Variants in TSNARE1 observed in about 807,000 individuals in gnomAD.
TSNARE1 encodes t-SNARE domain-containing protein 1.
A neutral mutation model predicts 62.0 loss-of-function variants in TSNARE1; 49 were observed. The ratio of observed to expected loss-of-function variants is 0.79; its 90% confidence interval spans 0.63 to 1.00. The LOEUF (loss-of-function observed/expected upper bound fraction) is 1.00. TSNARE1 is among the 50% of genes least tolerant of loss of function. TSNARE1 has a pLI of 0.00. For missense variants in TSNARE1, 755 were observed against 700.1 expected, an observed-to-expected ratio of 1.08 and a Z score of -0.88; for synonymous variants, 328 against 294.4, an observed-to-expected ratio of 1.11 and a Z score of -1.17.
At chr8:142,270,481 C>CAT (rs67801065) in intron 12 of TSNARE1, 61,617 of 801,584 alleles carry the variant, frequency 0.077, 948 homozygotes, top group Admixed American at 0.17. Context: ...AATATATAGG[C>CAT]ATATATATAT....
chr8:142,300,943 G>A (rs1435188035), intron 9 of TSNARE1, among the ~76,000 whole-genome samples: 1 of 152,126 alleles, frequency 6.6e-6, no homozygotes, highest in Non-Finnish European at 1.5e-5. Flanking sequence ...CCCAGCAGAG[G>A]GGAGGGTGGG....
intron 8 of TSNARE1, among the ~76,000 whole-genome samples, 177 bp from the exon 9 acceptor site, chr8:142,314,617 C>T (rs1003566919): frequency 1.3e-5 from 2 of 151,864 alleles, no homozygotes; most frequent in African/African-American, 4.8e-5. Flanking sequence ...GCTGGATGGC[C>T]TCTGTCCATG....
intron 12 of TSNARE1, among the ~76,000 whole-genome samples, chr8:142,237,108 C>T (rs1004340700): frequency 2.6e-5 from 4 of 151,886 alleles, no homozygotes; most frequent in African/African-American, 9.7e-5. Flanking sequence ...TCGCTGTTCC[C>T]TCTGCCCAGT....
intron 4 of TSNARE1, among the ~76,000 whole-genome samples, chr8:142,341,234 G>A (rs1832543445): frequency 1.3e-5 from 2 of 152,294 alleles, no homozygotes; most frequent in African/African-American, 2.4e-5. Context: ...CATTGAGAGT[G>A]CCCTCAAGTG....
intron 2 of TSNARE1, among the ~76,000 whole-genome samples, chr8:142,353,650 G>C (rs1199537564): frequency 6.6e-6 from 1 of 152,158 alleles, no homozygotes; most frequent in African/African-American, 2.4e-5. Flanking sequence ...CAGGGCACTG[G>C]GGGCTGCCAA....
At chr8:142,279,345 G>A (rs1319237352) in intron 11 of TSNARE1, among the ~76,000 whole-genome samples, 1 of 152,216 alleles carries the variant, frequency 6.6e-6, no homozygotes, top group East Asian at 1.9e-4. Flanking sequence ...GAACGGCAGA[G>A]GCCAAGATGG....
chr8:142,314,362 A>G, intron 9 of TSNARE1, 22 bp downstream of exon 9: 1 of 1,611,104 alleles, frequency 6.2e-7, no homozygotes, highest in South Asian at 1.1e-5. Context: ...GCCACTGACC[A>G]TGGTCAGTAC....
chr8:142,259,086 C>T (rs974798844), intron 12 of TSNARE1, among the ~76,000 whole-genome samples: 2 of 152,214 alleles, frequency 1.3e-5, no homozygotes, highest in African/African-American at 4.8e-5. Flanking sequence ...ACCTTGAACC[C>T]AGGTCTGTCT....
intron 12 of TSNARE1, among the ~76,000 whole-genome samples, chr8:142,262,037 T>C (rs67439964): frequency 0.22 from 33,301 of 152,162 alleles, 3,798 homozygotes; most frequent in Middle Eastern, 0.31. Flanking sequence ...CTCATGAAGC[T>C]GCTCACGCCA....
At chr8:142,282,141 CT>C (rs973332312) in intron 11 of TSNARE1, among the ~76,000 whole-genome samples, 6 of 152,250 alleles carry the variant, frequency 3.9e-5, no homozygotes, top group African/African-American at 1.4e-4. Context: ...TGCAGCCCCT[CT>C]TCTCGTGGAT....
intron 12 of TSNARE1, among the ~76,000 whole-genome samples, chr8:142,239,324 C>G (rs1267932046): frequency 2.6e-5 from 4 of 152,212 alleles, no homozygotes; most frequent in South Asian, 2.1e-4. Flanking sequence ...CCTTAAAGCC[C>G]CTTGGGTAAG....
chr8:142,297,902 C>T (rs866492214), intron 10 of TSNARE1, among the ~76,000 whole-genome samples: 1 of 152,216 alleles, frequency 6.6e-6, no homozygotes, highest in East Asian at 1.9e-4. Flanking sequence ...CCCACCCCGC[C>T]GCCCTCCGTC....
chr8:142,329,813 C>G (rs776345463), intron 6 of TSNARE1, among the ~76,000 whole-genome samples: 2 of 152,144 alleles, frequency 1.3e-5, no homozygotes, highest in Non-Finnish European at 2.9e-5. Flanking sequence ...TCAGAAAACA[C>G]TTAAGTTTCA....
At chr8:142,250,477 G>A (rs552881252) in intron 12 of TSNARE1, among the ~76,000 whole-genome samples, 152 of 152,298 alleles carry the variant, frequency 1.0e-3, no homozygotes, top group South Asian at 2.1e-3. Context: ...AGCCATCAGC[G>A]TCGCGGGCTC....
At chr8:142,227,413 C>T (rs1344393065) in intron 13 of TSNARE1, among the ~76,000 whole-genome samples, 1 of 65,404 alleles carries the variant, frequency 1.5e-5, no homozygotes, top group East Asian at 3.4e-4. Flanking sequence ...AGCCAGGAGC[C>T]CCAACCTGCC....
chr8:142,358,532 C>T (rs1438122901), intron 1 of TSNARE1, among the ~76,000 whole-genome samples: 1 of 152,092 alleles, frequency 6.6e-6, no homozygotes, highest in Non-Finnish European at 1.5e-5. Context: ...TGCTCCACCG[C>T]CACCAAAGAG....
chr8:142,271,397 T>A (rs1819524178), intron 12 of TSNARE1: 2 of 1,235,144 alleles, frequency 1.6e-6, no homozygotes, highest in Non-Finnish European at 2.0e-6. Context: ...GGCGCCCTGC[T>A]GCCGGTGGGA....
chr8:142,355,687 C>T (rs1834671670), intron 1 of TSNARE1, among the ~76,000 whole-genome samples: 1 of 152,180 alleles, frequency 6.6e-6, no homozygotes, highest in African/African-American at 2.4e-5. Flanking sequence ...ACCTGCTGGC[C>T]AGGCCACACC....
chr8:142,365,602 G>GCACACACA lies in TSNARE1; in HGVS notation c.-39-10847_-39-10840dup, dbSNP rs1554674591. ...AAACCATCCATAAACACATGCACAC[G>GCACACACA]CACACACACACACACACACACACAC... On this transcript the variant is annotated intron_variant, in intron 1 of 13. Coordinates refer to ENST00000524325, the MANE Select transcript of TSNARE1 (RefSeq NM_145003.5). Among the ~76,000 whole-genome samples, 475 of 144,498 alleles carry GCACACACA rather than the reference G, an allele frequency of 3.3e-3. 2 individuals are homozygous for GCACACACA. The highest frequency in any genetic ancestry group is 9.0e-3 in the African/African-American group (354 of 39,234). 94.8% of individuals were successfully genotyped at this position (144,498 alleles called of 152,430 possible).
Sources: allele counts gnomAD v4.1 joint callset (sites outside exome capture counted in the v4.1 genomes callset), GRCh38; gene constraint gnomAD v4.1.1; transcripts MANE v1.5; gene names NCBI Gene and HGNC (gene_info 2026-07-23, HGNC 2026-07-21).